Variants in PVALEF observed in about 807,000 individuals in gnomAD.
PVALEF encodes the protein parvalbumin-like EF-hand-containing protein.
A neutral mutation model predicts 1.2 loss-of-function variants in PVALEF; 2 were observed. The ratio of observed to expected loss-of-function variants is 1.68; its 90% CI spans 0.69 to 5.28. The LOEUF (loss-of-function observed/expected upper bound fraction) is 5.28. Ranked by LOEUF, PVALEF falls within the 30% of genes most tolerant of loss-of-function variation. The pLI, the probability that PVALEF is intolerant of heterozygous loss-of-function variation, is 0.06. For missense variants in PVALEF, 35 were observed against 17.7 expected (o/e 1.97, Z -1.75); for synonymous variants, 16 against 6.5 (o/e 2.47, Z -2.24).
At chr17:81,166,507 G>GGC (rs1555604309) in intron 1 of PVALEF, among the ~76,000 whole-genome samples, 170 bp from the exon 2 acceptor site, 5 of 98,912 alleles carry the variant, frequency 5.1e-5, no homozygotes, top group Non-Finnish European at 9.0e-5. Flanking sequence ...GGCTGGCGGG[G>GGC]GGGGGGGAAA....
At position 81,181,181 on chromosome 17, in the gene PVALEF, C is replaced by A; in HGVS notation, c.-46C>A. ...TCTGGCCCAAGCAGCACCCCCAATC[C>A]GTGCGTGCACCCCACGAATTGACTC... On this transcript the variant is annotated 5_prime_UTR_variant, in exon 4 of 7. Transcript: ENST00000637878. 1.4e-6 allele frequency: 1 copy of A among 700,652 alleles called. No individual in the cohort carries two copies. The highest frequency in any genetic ancestry group is 2.6e-6 in the Non-Finnish European group (1 of 383,626). The allele number at this position is 700,652 out of a possible 1,614,324, so 43.4% of individuals were successfully genotyped here. A position where few individuals can be genotyped will look rare whatever the true frequency, so the allele number is the denominator to read the frequency against.
At chr17:81,165,897 AG>A in intron 1 of PVALEF, 150 bp downstream of exon 1, 3 of 1,559,560 alleles carry the variant, frequency 1.9e-6, no homozygotes, top group Non-Finnish European at 2.6e-6. Flanking sequence ...TCCGCAGCGG[AG>A]GGAGGCAGCG....
chr17:81,166,652 T>A, intron 1 of PVALEF, 25 bp from the exon 2 acceptor site: 2 of 453,498 alleles, frequency 4.4e-6, no homozygotes, highest in Non-Finnish European at 8.8e-6. Context: ...GTCTTGGTGC[T>A]CAGGGGCCCT....
rs537856566 is a variant in PVALEF at position 81,166,676 on chromosome 17, G to T, written c.-507-1G>T. The T allele has an allele frequency of 3.3e-4, 152 of 453,754 alleles. No homozygotes were observed. The highest frequency in any genetic ancestry group is 5.5e-4 in the Non-Finnish European group (124 of 226,540). 28.1% of individuals were successfully genotyped at this position (453,754 alleles called of 1,614,324 possible). ...CTCAGGGGCCCTCGCCTCACTTGCA[G>T]GTTTCGAGGCGGCTGGCAGCCGCCC... is the stretch of plus-strand genomic sequence containing the variant. On this transcript the variant is annotated splice_acceptor_variant, in intron 1 of 6. Transcript: ENST00000637878. LOFTEE classifies it low-confidence loss of function (5UTR_SPLICE).
chr17:81,167,434 G>A (rs543300558), intron 2 of PVALEF, among the ~76,000 whole-genome samples: 68 of 152,356 alleles, frequency 4.5e-4, no homozygotes, highest in Non-Finnish European at 9.3e-4. Context: ...AGGCCCAGTT[G>A]GGGTTGGGGG....
In PVALEF at chr17:81,178,679, T is replaced by TG. The variant is rs111698604; in HGVS notation, c.-339-231dup. On this transcript the variant is annotated intron_variant, in intron 2 of 6. Transcript: ENST00000637878. ...TGCAACCTGTTTCCTGCACCAGAGC[T>TG]GGGGGGGGCAGGGTCCCCAGCCTCA... 1.3e-3 allele frequency among the ~76,000 whole-genome samples: 202 copies of TG among 151,616 alleles called. 1 individual carries two copies. In the East Asian group the frequency reaches 0.022, roughly 17 times the overall value.
intron 2 of PVALEF, among the ~76,000 whole-genome samples, chr17:81,170,998 C>A (rs991012133): frequency 8.5e-5 from 13 of 152,178 alleles, no homozygotes; most frequent in Admixed American, 7.2e-4. Flanking sequence ...CCAGCCCTGG[C>A]CTCCCCCTTG....
chr17:81,175,636 T>C (rs767940865), intron 2 of PVALEF, among the ~76,000 whole-genome samples: 3 of 152,120 alleles, frequency 2.0e-5, no homozygotes, highest in Non-Finnish European at 4.4e-5. Context: ...AACCTTCACA[T>C]AATATGGTCA....
chr17:81,166,604 G>A, intron 1 of PVALEF, 73 bp from the exon 2 acceptor site: 1 of 440,516 alleles, frequency 2.3e-6, no homozygotes, highest in Non-Finnish European at 4.6e-6. Flanking sequence ...AAGGTTCAGG[G>A]AGACAGGTGG....
chr17:81,166,004 C>A (rs1327342674), intron 1 of PVALEF: 1 of 1,555,926 alleles, frequency 6.4e-7, no homozygotes, highest in Non-Finnish European at 8.7e-7. Flanking sequence ...GCCGGGCCAG[C>A]GGCCGGCGGG....
intron 2 of PVALEF, among the ~76,000 whole-genome samples, chr17:81,176,017 A>G (rs2146447608): frequency 6.6e-6 from 1 of 152,390 alleles, no homozygotes; most frequent in South Asian, 2.1e-4. Flanking sequence ...AAATATCTGC[A>G]AATCATCTGA....
In PVALEF at chr17:81,169,975, CAT is replaced by C. The variant is rs755202557; in HGVS notation, c.-340+3132_-340+3133del. On this transcript the variant is annotated intron_variant, in intron 2 of 6. Coordinates refer to ENST00000637878, the MANE Select transcript of PVALEF (RefSeq NM_001354639.2). ...ACGTGTGTCGGTGTTGGTATGTGTA[CAT>C]GTGTGTGCATGTGTGTGTGTTGGTG... Among the ~76,000 whole-genome samples the C allele has an allele frequency of 5.2e-3, 688 of 132,004 alleles. 11 individuals carry two copies. Among genetic ancestry groups the C allele is most frequent in the Admixed American group, 0.03 (414 of 13,928 alleles). The allele number at this position is 132,004 out of a possible 152,430, so 86.6% of individuals were successfully genotyped here. A position where few individuals can be genotyped will look rare whatever the true frequency, so the allele number is the denominator to read the frequency against.
At position 81,165,694 on chromosome 17, in the gene PVALEF, G is replaced by A. The variant is rs2061479848; in HGVS notation, c.-561G>A. The A allele has an allele frequency of 6.6e-7, 1 of 1,516,474 alleles. No homozygotes were observed. The highest frequency in any genetic ancestry group is 8.8e-7 in the Non-Finnish European group (1 of 1,134,372). The allele number at this position is 1,516,474 out of a possible 1,614,324, so 93.9% of individuals were successfully genotyped here. A position where few individuals can be genotyped will look rare whatever the true frequency, so the allele number is the denominator to read the frequency against. ...GTGCCCCAGTTACCTGTGCCCTGGAGGCAGCCACGGAGTCACGACCACGCG... is the reference window on the plus strand; with the variant it reads ...GTGCCCCAGTTACCTGTGCCCTGGAAGCAGCCACGGAGTCACGACCACGCG... On this transcript the variant is annotated 5_prime_UTR_variant, in exon 1 of 7. Coordinates refer to ENST00000637878, the MANE Select transcript of PVALEF (RefSeq NM_001354639.2).
intron 2 of PVALEF, among the ~76,000 whole-genome samples, chr17:81,170,500 A>C (rs1334524243): frequency 6.6e-6 from 1 of 152,050 alleles, no homozygotes; most frequent in East Asian, 1.9e-4. Flanking sequence ...ATTCACAGGT[A>C]TCAGGGTCAG....
At chr17:81,175,802 CT>C (rs1488214041) in intron 2 of PVALEF, among the ~76,000 whole-genome samples, 1 of 152,084 alleles carries the variant, frequency 6.6e-6, no homozygotes, top group African/African-American at 2.4e-5. Flanking sequence ...GATCAAAGAC[CT>C]AAATGTAAAA....
chr17:81,177,521 G>A (rs1008315024), intron 2 of PVALEF, among the ~76,000 whole-genome samples: 1 of 151,938 alleles, frequency 6.6e-6, no homozygotes, highest in Non-Finnish European at 1.5e-5. Context: ...ACTCCAGCCT[G>A]GGTGATAGGG....
intron 2 of PVALEF, among the ~76,000 whole-genome samples, chr17:81,170,444 C>T (rs1412493776): frequency 6.6e-6 from 1 of 152,066 alleles, no homozygotes; most frequent in East Asian, 1.9e-4. Context: ...AGTCTGGCCT[C>T]CTCTTGATCA....
At position 81,181,107 on chromosome 17, in the gene PVALEF, C is replaced by T. The variant is rs1377482047; in HGVS notation, c.-104-16C>T. On this transcript the variant is annotated splice_polypyrimidine_tract_variant and intron_variant, in intron 3 of 6. Coordinates refer to ENST00000637878, the MANE Select transcript of PVALEF (RefSeq NM_001354639.2). ...ACCCCAACACTGTGACGCCTGTCAC[C>T]ATTCCCACTTTACAGCAGGATCCAG... 3.1e-6 allele frequency: 2 copies of T among 646,098 alleles called. No individual in the cohort carries two copies. The highest frequency in any genetic ancestry group is 5.7e-6 in the Non-Finnish European group (2 of 351,686). 40.0% of individuals were successfully genotyped at this position (646,098 alleles called of 1,614,324 possible). A position where few individuals can be genotyped will look rare whatever the true frequency, so the allele number is the denominator to read the frequency against.
chr17:81,173,009 G>A (rs1217609226), intron 2 of PVALEF, among the ~76,000 whole-genome samples: 1 of 152,154 alleles, frequency 6.6e-6, no homozygotes, highest in Non-Finnish European at 1.5e-5. Flanking sequence ...TCGTTATTGG[G>A]GTATCAGGAA....
Sources: gnomAD v4.1 joint callset for allele counts (sites outside exome capture counted in the v4.1 genomes callset) on GRCh38, gnomAD v4.1.1 for gene constraint, MANE v1.5 for transcripts, NCBI Gene and HGNC (gene_info 2026-07-23, HGNC 2026-07-21) for gene names.